RDX: variants seen among roughly 807,000 people sequenced by gnomAD.
The protein encoded by RDX is radixin.
RDX carries 32 observed loss-of-function variants against 83.7 expected under a neutral mutation model. The ratio of observed to expected loss-of-function variants is 0.38; its 90% CI spans 0.29 to 0.51. The LOEUF is 0.51. RDX is among the 20% of genes least tolerant of loss of function. The pLI is 0.87. For missense variants in RDX, 600 were observed against 689.9 expected (o/e 0.87, Z 1.46); for synonymous variants, 229 against 222.7 (o/e 1.03, Z -0.25).
At chr11:110,278,032 C>G (rs1412060770) in intron 2 of RDX, among the ~76,000 whole-genome samples, 1 of 152,126 alleles carries the variant, frequency 6.6e-6, no homozygotes. Flanking sequence ...TGTGCCAATA[C>G]CATTTGTTGA....
chr11:110,237,184 G>A (rs1230202370), intron 11 of RDX, among the ~76,000 whole-genome samples: 2 of 148,270 alleles, frequency 1.3e-5, no homozygotes, highest in Non-Finnish European at 3.0e-5. Context: ...TTTATCTAAA[G>A]CAAAAGACGC....
chr11:110,177,868 G>A (rs1478231668), intron 15 of RDX, among the ~76,000 whole-genome samples: 1 of 152,092 alleles, frequency 6.6e-6, no homozygotes, highest in African/African-American at 2.4e-5. Flanking sequence ...CCTGTAGCTA[G>A]AGTTAACCGT....
intron 1 of RDX, among the ~76,000 whole-genome samples, chr11:110,294,439 G>T (rs937513432): frequency 3.9e-5 from 6 of 152,168 alleles, no homozygotes; most frequent in African/African-American, 1.2e-4. Context: ...CTAACTTGAA[G>T]ATAAATCTTT....
chr11:110,217,258 C>T (rs1172426386), intron 14 of RDX, among the ~76,000 whole-genome samples: 2 of 152,148 alleles, frequency 1.3e-5, no homozygotes, highest in Non-Finnish European at 2.9e-5. Context: ...GCTGTTTTTA[C>T]AGGTCGGGGA....
chr11:110,253,750 T>C (rs1591154324), intron 9 of RDX, 196 bp downstream of exon 9: 1 of 576,244 alleles, frequency 1.7e-6, no homozygotes, highest in East Asian at 3.0e-5. Flanking sequence ...TTCTTCGAGA[T>C]ATGTGTCAAA....
At chr11:110,221,457 G>A (rs954934137) in intron 14 of RDX, among the ~76,000 whole-genome samples, 6 of 151,998 alleles carry the variant, frequency 3.9e-5, no homozygotes, top group Non-Finnish European at 7.4e-5. Context: ...AATTAGCCAG[G>A]TGTGGTGGCA....
At chr11:110,266,003 T>C (rs1860025003) in intron 3 of RDX, among the ~76,000 whole-genome samples, 1 of 152,108 alleles carries the variant, frequency 6.6e-6, no homozygotes, top group African/African-American at 2.4e-5. Context: ...TCTCACAGAA[T>C]GATCAGCCTG....
At chr11:110,280,790 T>A (rs1044226420) in intron 1 of RDX, among the ~76,000 whole-genome samples, 7 of 152,166 alleles carry the variant, frequency 4.6e-5, no homozygotes, top group African/African-American at 1.7e-4. Flanking sequence ...ATCACACCAC[T>A]GCACTCCAGC....
chr11:110,215,043 A>C (rs1436352632), intron 14 of RDX, among the ~76,000 whole-genome samples: 4 of 90,872 alleles, frequency 4.4e-5, no homozygotes, highest in Admixed American at 2.4e-4. Context: ...TAACAAAAAA[A>C]AAAAAAATAT....
chr11:110,214,832 G>C (rs1369151426), intron 14 of RDX, among the ~76,000 whole-genome samples: 1 of 116,066 alleles, frequency 8.6e-6, no homozygotes, highest in Non-Finnish European at 1.8e-5. Context: ...CACACTCTGG[G>C]GACTGTTGTG....
chr11:110,265,078 T>C (rs1859972844), intron 3 of RDX, among the ~76,000 whole-genome samples: 1 of 150,690 alleles, frequency 6.6e-6, no homozygotes, highest in Non-Finnish European at 1.5e-5. Context: ...AATTTTTCTT[T>C]TTTTTTTTTT....
At chr11:110,268,836 A>T (rs182687237) in intron 3 of RDX, among the ~76,000 whole-genome samples, 1 of 152,018 alleles carries the variant, frequency 6.6e-6, no homozygotes, top group East Asian at 1.9e-4. Flanking sequence ...TTCTGATCAC[A>T]TACTTTTAGA....
intron 8 of RDX, 122 bp from the exon 9 acceptor site, chr11:110,254,231 A>G: frequency 1.2e-6 from 1 of 814,988 alleles, no homozygotes; most frequent in African/African-American, 1.7e-5. Flanking sequence ...GTTTAGAAAT[A>G]AGAAATCATA....
intron 1 of RDX, among the ~76,000 whole-genome samples, chr11:110,289,127 A>G (rs961966040): frequency 1.3e-5 from 2 of 151,566 alleles, no homozygotes; most frequent in Non-Finnish European, 2.9e-5. Flanking sequence ...AATCCCAGCT[A>G]CTTGAGAAGC....
chr11:110,272,017 T>C (rs1212225825), intron 3 of RDX, among the ~76,000 whole-genome samples: 2 of 152,194 alleles, frequency 1.3e-5, no homozygotes, highest in Non-Finnish European at 1.5e-5. Flanking sequence ...CTTCAGCCTA[T>C]GTGTATAAGT....
At chr11:110,249,315 G>A (rs1185447119) in intron 9 of RDX, among the ~76,000 whole-genome samples, 1 of 152,150 alleles carries the variant, frequency 6.6e-6, no homozygotes, top group East Asian at 1.9e-4. Context: ...AAACCCTGTA[G>A]TTTCTCAACT....
chr11:110,264,868 T>C lies in RDX; in HGVS notation c.103A>G (p.Lys35Glu), dbSNP rs1350793312. Residue 35 changes from lysine (K) to glutamate (E), a missense_variant, in exon 4 of 14, where the codon AAA becomes GAA. By Grantham distance (56) the Lys-to-Glu change is moderately conservative. Coordinates refer to ENST00000645495, the MANE Select transcript of RDX (RefSeq NM_002906.4). ...CAGACCTCACGCAAACCAACTGTTT[T>C]CACCACCTAAAACACAACAACAACA... ...TGKQLFDQVV[K>E]TVGLREVWFF... The C allele has an allele frequency of 1.9e-6, 3 of 1,613,504 alleles. No individual in the cohort carries two copies. The highest frequency in any genetic ancestry group is 2.7e-5 in the African/African-American group (2 of 74,890).
chr11:110,257,665 G>C lies in RDX; in HGVS notation c.698+102C>G. The C allele has an allele frequency of 3.4e-6, 4 of 1,163,672 alleles. No individual in the cohort carries two copies. The South Asian group carries it at 5.0e-5, about 14-fold the overall frequency. 72.1% of individuals were successfully genotyped at this position (1,163,672 alleles called of 1,614,324 possible). A position where few individuals can be genotyped will look rare whatever the true frequency, so the allele number is the denominator to read the frequency against. ...TCATCTTTTAGTTTGAAAATAGTAAGGGTAATCAAGACAAGAAACTACTTT... is the reference window on the plus strand; with the variant it reads ...TCATCTTTTAGTTTGAAAATAGTAACGGTAATCAAGACAAGAAACTACTTT... On this transcript the variant is annotated intron_variant, in intron 7 of 13. Coordinates refer to ENST00000645495, the MANE Select transcript of RDX (RefSeq NM_002906.4).
At chr11:110,267,883 G>C (rs1160362212) in intron 3 of RDX, among the ~76,000 whole-genome samples, 2 of 151,774 alleles carry the variant, frequency 1.3e-5, no homozygotes, top group African/African-American at 4.8e-5. Flanking sequence ...AAGTCCAGGA[G>C]GTCAAGGCTG....
Sources: gnomAD v4.1 joint callset for allele counts (sites outside exome capture counted in the v4.1 genomes callset) on GRCh38, gnomAD v4.1.1 for gene constraint, MANE v1.5 for transcripts, NCBI Gene and HGNC (gene_info 2026-07-23, HGNC 2026-07-21) for gene names.